CCDC171: variants seen among roughly 807,000 people sequenced by gnomAD.
CCDC171 encodes coiled-coil domain-containing protein 171.
In CCDC171, 177 loss-of-function variants were observed where a neutral mutation model predicts 168.2. The ratio of observed to expected loss-of-function variants is 1.05; its 90% CI spans 0.93 to 1.19. The LOEUF (loss-of-function observed/expected upper bound fraction) is 1.19. Ranked by LOEUF, CCDC171 falls within the 50% of genes most tolerant of loss-of-function variation. The pLI is 0.00. For missense variants in CCDC171, 1,991 were observed against 1,539.0 expected, an observed-to-expected ratio of 1.29 and a Z score of -4.91; for synonymous variants, 687 against 540.8, an observed-to-expected ratio of 1.27 and a Z score of -3.75.
At chr9:15,950,704 C>G (rs200679484) in intron 25 of CCDC171, among the ~76,000 whole-genome samples, 1 of 151,886 alleles carries the variant, frequency 6.6e-6, no homozygotes, top group Admixed American at 6.6e-5. Flanking sequence ...ACTAGGAAGA[C>G]ACTGCATGAA....
At chr9:15,905,947 C>A (rs531909929) in intron 24 of CCDC171, among the ~76,000 whole-genome samples, 3 of 152,294 alleles carry the variant, frequency 2.0e-5, no homozygotes, top group South Asian at 4.1e-4. Context: ...TTCCTGGACA[C>A]ATACACCCTC....
At chr9:15,779,770 T>C (rs1013458384) in intron 20 of CCDC171, among the ~76,000 whole-genome samples, 1 of 152,234 alleles carries the variant, frequency 6.6e-6, no homozygotes, top group African/African-American at 2.4e-5. Context: ...ATGACTTATA[T>C]GTATTATTTT....
chr9:15,842,076 T>C (rs1052170200), intron 21 of CCDC171, among the ~76,000 whole-genome samples: 1 of 152,052 alleles, frequency 6.6e-6, no homozygotes, highest in African/African-American at 2.4e-5. Flanking sequence ...ATGTTATCTT[T>C]TTTCCCCCTG....
chr9:15,599,976 C>A (rs1342683533), intron 6 of CCDC171, among the ~76,000 whole-genome samples: 1 of 151,846 alleles, frequency 6.6e-6, no homozygotes. Context: ...ACATAGTTCT[C>A]TTGCCATGGT....
intron 8 of CCDC171, among the ~76,000 whole-genome samples, chr9:15,659,033 C>A (rs2048132944): frequency 6.6e-6 from 1 of 152,108 alleles, no homozygotes; most frequent in African/African-American, 2.4e-5. Context: ...TGGGCAGATG[C>A]AGTTGACTGT....
intron 23 of CCDC171, among the ~76,000 whole-genome samples, chr9:15,872,010 C>G (rs1344344108): frequency 6.6e-6 from 1 of 151,922 alleles, no homozygotes; most frequent in Non-Finnish European, 1.5e-5. Context: ...TCTCAAAGTT[C>G]TCGTTTAATT....
At chr9:15,662,292 C>G (rs1021753165) in intron 8 of CCDC171, among the ~76,000 whole-genome samples, 4 of 151,732 alleles carry the variant, frequency 2.6e-5, no homozygotes, top group Admixed American at 1.3e-4. Flanking sequence ...CCCCTCCCCC[C>G]CAAAAAAGAA....
At chr9:16,098,299 A>C in the CCDC171 span, among the ~76,000 whole-genome samples, 1 of 152,298 alleles carries the variant, frequency 6.6e-6, no homozygotes, top group African/African-American at 2.4e-5. Flanking sequence ...AAAGTGTTTA[A>C]AATGTAGTGG....
Position 15,876,102 on chromosome 9 carries a change from A to G in CCDC171, c.3600+1439A>G, listed in dbSNP as rs1353394216. On this transcript the variant is annotated intron_variant, in intron 24 of 25. Coordinates refer to ENST00000380701, the MANE Select transcript of CCDC171 (RefSeq NM_173550.4). The stretch of plus-strand genomic sequence containing the variant: ...CAAAACTAGATGTTGGTGATTTCGA[A>G]AGAGGTTGATTCCCCAAAATGCCCT... The G allele has an allele frequency of 1.1e-4, 17 of 152,172 alleles. No individual in the cohort carries two copies. In the South Asian group the frequency reaches 3.5e-3, roughly 32 times the overall value. 9.4% of individuals were successfully genotyped at this position (152,172 alleles called of 1,614,324 possible).
intron 3 of CCDC171, among the ~76,000 whole-genome samples, chr9:16,010,965 C>G (rs1832853651): frequency 6.6e-6 from 1 of 152,116 alleles, no homozygotes; most frequent in Non-Finnish European, 1.5e-5. Flanking sequence ...CCATCTTCCC[C>G]TTTTTCTTTA....
intron 25 of CCDC171, among the ~76,000 whole-genome samples, chr9:15,948,082 T>G (rs897528520): frequency 1.3e-5 from 2 of 151,312 alleles, no homozygotes; most frequent in Non-Finnish European, 2.9e-5. Flanking sequence ...GGTGTTTGGT[T>G]TTTTGTTCTT....
At chr9:15,785,225 G>C (rs1357737492) in intron 21 of CCDC171, among the ~76,000 whole-genome samples, 2 of 152,056 alleles carry the variant, frequency 1.3e-5, no homozygotes, top group African/African-American at 4.8e-5. Context: ...TTGTCACTGA[G>C]AAAATTTCAT....
chr9:15,710,949 T>G (rs2052617695), intron 11 of CCDC171, among the ~76,000 whole-genome samples: 1 of 152,232 alleles, frequency 6.6e-6, no homozygotes, highest in African/African-American at 2.4e-5. Flanking sequence ...AAAAACTGTT[T>G]CATTTGTTCT....
the CCDC171 span, among the ~76,000 whole-genome samples, chr9:16,095,185 G>A: frequency 6.6e-6 from 1 of 152,140 alleles, no homozygotes; most frequent in Non-Finnish European, 1.5e-5. Context: ...GACTAATATA[G>A]CATGGGATCC....
the CCDC171 span, among the ~76,000 whole-genome samples, chr9:16,093,314 C>G: frequency 4.6e-5 from 7 of 152,168 alleles, no homozygotes; most frequent in Non-Finnish European, 7.4e-5. Flanking sequence ...GTGGGCCAAC[C>G]TACCTGATAC....
chr9:15,851,151 T>C (rs2130814490), intron 23 of CCDC171, among the ~76,000 whole-genome samples: 1 of 152,082 alleles, frequency 6.6e-6, no homozygotes, highest in East Asian at 1.9e-4. Flanking sequence ...GAAAAACAAT[T>C]ACATTTTATT....
chr9:15,923,647 G>A (rs1040938293), intron 25 of CCDC171, among the ~76,000 whole-genome samples: 1 of 151,154 alleles, frequency 6.6e-6, no homozygotes, highest in African/African-American at 2.4e-5. Context: ...GATTTTAAGG[G>A]TTCCTACCAT....
At chr9:15,666,862 A>G (rs1456383766) in intron 9 of CCDC171, among the ~76,000 whole-genome samples, 1 of 152,176 alleles carries the variant, frequency 6.6e-6, no homozygotes, top group East Asian at 1.9e-4. Context: ...ATTTTCTCAA[A>G]CTACAGAAAT....
intron 11 of CCDC171, among the ~76,000 whole-genome samples, chr9:15,702,128 T>C (rs937230658): frequency 6.6e-6 from 1 of 152,166 alleles, no homozygotes; most frequent in East Asian, 1.9e-4. Flanking sequence ...TGAACAATAA[T>C]GTTTTGAAAG....
Sources: allele counts gnomAD v4.1 joint callset (sites outside exome capture counted in the v4.1 genomes callset), GRCh38; gene constraint gnomAD v4.1.1; transcripts MANE v1.5; gene names NCBI Gene and HGNC (gene_info 2026-07-23, HGNC 2026-07-21).